CAMK2G: variants seen among roughly 807,000 people sequenced by gnomAD.
The protein encoded by CAMK2G is calcium/calmodulin-dependent protein kinase type II subunit gamma.
A neutral mutation model predicts 88.7 loss-of-function variants in CAMK2G; 23 were observed. The ratio of observed to expected loss-of-function variants is 0.26; its 90% confidence interval spans 0.19 to 0.37. CAMK2G has a LOEUF of 0.37. CAMK2G is among the 10% of genes least tolerant of loss of function. The pLI is 1.00. For synonymous variants in CAMK2G, 263 were observed against 294.8 expected, an observed-to-expected ratio of 0.89 and a Z score of 1.11; for missense variants, 476 against 780.8, an observed-to-expected ratio of 0.61 and a Z score of 4.65.
At chr10:73,861,548 GT>G (rs1346895170) in intron 2 of CAMK2G, among the ~76,000 whole-genome samples, 2 of 152,162 alleles carry the variant, frequency 1.3e-5, no homozygotes, top group African/African-American at 4.8e-5. Context: ...TAGAGACGGG[GT>G]TTCACCACGT....
Position 73,817,156 on chromosome 10 carries a change from A to G in CAMK2G, c.1440-39T>C, listed in dbSNP as rs370251655. 22 of 1,568,830 alleles carry G rather than the reference A, an allele frequency of 1.4e-5. No individual in the cohort carries two copies. The African/African-American group carries it at 2.1e-4, about 15-fold the overall frequency. On this transcript the variant is annotated intron_variant, in intron 20 of 22. Transcript: ENST00000423381. ...AAAAAAAGCAGCCTATCAGGCTTCT[A>G]TGGAGTGACTTGTCTTCCTTCCTTA...
rs565482787 is a variant in CAMK2G at position 73,839,218 on chromosome 10, C to T, written c.1009+321G>A. On this transcript the variant is annotated intron_variant, in intron 13 of 22. Coordinates refer to ENST00000423381, the MANE Select transcript of CAMK2G (RefSeq NM_001367534.1). The surrounding 1 kb of genome is among the most constrained non-coding windows in gnomAD (Gnocchi z 4.2). The stretch of plus-strand genomic sequence containing the variant: ...GCACCGGGCAGCTCAGGGCAATGCC[C>T]AGCACTGTCTCTGAGGGCCCACTGT... Among the ~76,000 whole-genome samples, 5 of 152,326 alleles carry T rather than the reference C, an allele frequency of 3.3e-5. No individual in the cohort carries two copies. The highest frequency in any genetic ancestry group is 1.2e-4 in the African/African-American group (5 of 41,580).
intron 19 of CAMK2G, among the ~76,000 whole-genome samples, chr10:73,819,221 G>A (rs928776700): frequency 3.3e-5 from 5 of 152,100 alleles, no homozygotes; most frequent in South Asian, 2.1e-4. Flanking sequence ...CCTGACTTCC[G>A]ACTCTGCCCT....
At chr10:73,874,113 G>A (rs1464883118) in intron 1 of CAMK2G, among the ~76,000 whole-genome samples, 1 of 149,762 alleles carries the variant, frequency 6.7e-6, no homozygotes, top group African/African-American at 2.5e-5. Flanking sequence ...CGCCTGAAGG[G>A]TGCGGAGGGG....
rs373612035 is a variant in CAMK2G at position 73,848,711 on chromosome 10, T to G, written c.518-102A>C. 3.3e-5 allele frequency: 24 copies of G among 719,382 alleles called. No individual in the cohort carries two copies. The highest frequency in any genetic ancestry group is 5.8e-5 in the Non-Finnish European group (24 of 417,144). The allele number at this position is 719,382 out of a possible 1,614,324, so 44.6% of individuals were successfully genotyped here. A position where few individuals can be genotyped will look rare whatever the true frequency, so the allele number is the denominator to read the frequency against. Reference sequence around the variant, plus strand: ...AGTCCCATCTTATTCCTGCTGCTTTTGCTACATAAACTCTCAGCACATGGG... The same window carrying G: ...AGTCCCATCTTATTCCTGCTGCTTTGGCTACATAAACTCTCAGCACATGGG... On this transcript the variant is annotated intron_variant, in intron 7 of 22. Transcript: ENST00000423381. The surrounding 1 kb of genome is among the most constrained non-coding windows in gnomAD (Gnocchi z 4.5).
In CAMK2G at chr10:73,839,360, G is replaced by A. The variant is rs191406483; in HGVS notation, c.1009+179C>T. Reference sequence around the variant, plus strand: ...AGCGCCCAGCATGCATGGCTGGTTAGGGGGCTCCATAACAACGATGCGCTT... The same window carrying A: ...AGCGCCCAGCATGCATGGCTGGTTAAGGGGCTCCATAACAACGATGCGCTT... On this transcript the variant is annotated intron_variant, in intron 13 of 22. Transcript: ENST00000423381. The surrounding 1 kb of genome is among the most constrained non-coding windows in gnomAD (Gnocchi z 4.2). Among the ~76,000 whole-genome samples the A allele has an allele frequency of 3.3e-5, 5 of 152,334 alleles. No individual in the cohort carries two copies.
At chr10:73,873,368 G>T (rs2095910956) in intron 1 of CAMK2G, 3 of 1,299,260 alleles carry the variant, frequency 2.3e-6, no homozygotes, top group Middle Eastern at 3.0e-4. Flanking sequence ...AGGAGCGGGT[G>T]GGCGATGCTG....
At chr10:73,873,352 C>T in intron 1 of CAMK2G, 3 of 1,338,350 alleles carry the variant, frequency 2.2e-6, no homozygotes, top group Non-Finnish European at 2.9e-6. Flanking sequence ...CCTCAGGCTG[C>T]ACATCAGGAG....
chr10:73,871,657 CAT>C (rs1042474522), intron 2 of CAMK2G, among the ~76,000 whole-genome samples: 6 of 152,036 alleles, frequency 3.9e-5, no homozygotes, highest in Non-Finnish European at 8.8e-5. Flanking sequence ...TGACTGCCCA[CAT>C]ATCTCTATGG....
chr10:73,814,956 C>T lies in CAMK2G; in HGVS notation c.*12+47G>A, dbSNP rs2084938663. The T allele has an allele frequency of 2.2e-6, 3 of 1,339,408 alleles. No homozygotes were observed. In the South Asian group the frequency reaches 3.8e-5, roughly 17 times the overall value. The allele number at this position is 1,339,408 out of a possible 1,614,324, so 83.0% of individuals were successfully genotyped here. On this transcript the variant is annotated intron_variant, in intron 22 of 22. Coordinates refer to ENST00000423381, the MANE Select transcript of CAMK2G (RefSeq NM_001367534.1). ...GCCTTCTCTTCTTCCTCTGACCCCA[C>T]CTATCCCAGGCCCTTCCAGCCCCTC...
intron 4 of CAMK2G, chr10:73,852,557 A>T (rs1158312350): frequency 1.9e-6 from 1 of 538,214 alleles, no homozygotes; most frequent in African/African-American, 1.9e-5. Context: ...GCACAGATTC[A>T]CTAATAGTCA....
intron 18 of CAMK2G, 109 bp downstream of exon 18, chr10:73,821,573 T>C (rs1025881089): frequency 3.9e-5 from 32 of 821,222 alleles, no homozygotes; most frequent in Non-Finnish European, 6.2e-5. Flanking sequence ...CCTAGGGGCA[T>C]AGGAGCCAGC....
chr10:73,845,934 G>T (rs2094208550), intron 10 of CAMK2G, among the ~76,000 whole-genome samples: 1 of 148,492 alleles, frequency 6.7e-6, no homozygotes, highest in Non-Finnish European at 1.5e-5. Context: ...AAAGAGGTGG[G>T]GTCTGACCAT....
At chr10:73,870,018 A>G (rs2095760671) in intron 2 of CAMK2G, among the ~76,000 whole-genome samples, 1 of 152,366 alleles carries the variant, frequency 6.6e-6, no homozygotes, top group Non-Finnish European at 1.5e-5. Context: ...GATATAAGCA[A>G]AGAGAGCAGG....
At chr10:73,851,752 G>GA (rs1491368738) in intron 5 of CAMK2G, among the ~76,000 whole-genome samples, 1 of 138,204 alleles carries the variant, frequency 7.2e-6, no homozygotes, top group African/African-American at 3.1e-5. Context: ...TTTTTTTGTG[G>GA]GGGGGGGGAG....
intron 18 of CAMK2G, among the ~76,000 whole-genome samples, chr10:73,820,490 ATATT>A (rs1290883257): frequency 4.9e-4 from 26 of 53,144 alleles, no homozygotes; most frequent in East Asian, 4.5e-3. Context: ...ATATATATAT[ATATT>A]TTTTTTTTTT....
intron 3 of CAMK2G, among the ~76,000 whole-genome samples, chr10:73,853,566 C>T (rs779681681): frequency 4.6e-5 from 7 of 152,168 alleles, no homozygotes; most frequent in African/African-American, 1.4e-4. Context: ...ATATGATGCA[C>T]GATGGTGAGA....
chr10:73,870,964 C>T (rs2095806917), intron 2 of CAMK2G, among the ~76,000 whole-genome samples: 1 of 152,130 alleles, frequency 6.6e-6, no homozygotes, highest in Non-Finnish European at 1.5e-5. Flanking sequence ...TCCACTTTCC[C>T]ACCTCCACAC....
chr10:73,848,732 A>G lies in CAMK2G; in HGVS notation c.518-123T>C, dbSNP rs966698850. 1 of 666,838 alleles carries G rather than the reference A, an allele frequency of 1.5e-6. No homozygotes were observed. The highest frequency in any genetic ancestry group is 1.8e-5 in the African/African-American group (1 of 55,086). The allele number at this position is 666,838 out of a possible 1,614,324, so 41.3% of individuals were successfully genotyped here. A position where few individuals can be genotyped will look rare whatever the true frequency, so the allele number is the denominator to read the frequency against. ...CTTTTGCTACATAAACTCTCAGCAC[A>G]TGGGCAGCAAGAGCTGACAGGCTGG... On this transcript the variant is annotated intron_variant, in intron 7 of 22. Transcript: ENST00000423381. This position sits in a 1 kb window ranked among gnomAD's most constrained non-coding sequence, Gnocchi z 4.5.
Sources: gnomAD v4.1 joint callset for allele counts (sites outside exome capture counted in the v4.1 genomes callset) on GRCh38, gnomAD v4.1.1 for gene constraint, Gnocchi (gnomAD v3.1) non-coding constraint, MANE v1.5 for transcripts, NCBI Gene and HGNC (gene_info 2026-07-23, HGNC 2026-07-21) for gene names.